The following ABHD2 variants were observed in gnomAD, a reference collection of about 807,000 sequenced individuals.
The protein encoded by ABHD2 is monoacylglycerol lipase ABHD2.
ABHD2 carries 20 observed loss-of-function variants against 48.1 expected under a neutral mutation model. The observed-to-expected ratio is 0.42, with a 90% CI of 0.29 to 0.60. The LOEUF (loss-of-function observed/expected upper bound fraction) is 0.60, where lower values mean the gene tolerates loss of function less well. Ranked by LOEUF, ABHD2 falls within the 20% of genes least tolerant of loss-of-function variation. ABHD2 has a pLI of 0.24. For synonymous variants in ABHD2, 209 were observed against 214.2 expected, an observed-to-expected ratio of 0.98 and a Z score of 0.21; for missense variants, 405 against 550.9, an observed-to-expected ratio of 0.74 and a Z score of 2.65.
the ABHD2 span, among the ~76,000 whole-genome samples, chr15:89,080,154 T>G: frequency 1.3e-5 from 2 of 152,158 alleles, no homozygotes; most frequent in Non-Finnish European, 2.9e-5. Flanking sequence ...ACTCTGCTCA[T>G]AAAGCCGGAT....
intron 10 of ABHD2, among the ~76,000 whole-genome samples, chr15:89,193,713 G>T (rs1227285260): frequency 6.6e-6 from 1 of 152,210 alleles, no homozygotes. Flanking sequence ...ACTTTGTGAG[G>T]CTGCAATGGG....
Position 89,100,214 on chromosome 15 carries a change from T to G in ABHD2, c.-107+11651T>G, listed in dbSNP as rs2049679946. Among the ~76,000 whole-genome samples the G allele has an allele frequency of 6.6e-6, 1 of 152,114 alleles. No homozygotes were observed. Among genetic ancestry groups the G allele is most frequent in the Non-Finnish European group, 1.5e-5 (1 of 68,020 alleles). On this transcript the variant is annotated intron_variant, in intron 1 of 10. Transcript: ENST00000352732. The surrounding 1 kb of genome is among the most constrained non-coding windows in gnomAD (Gnocchi z 4.4). ...GGCTCTGGACTGGGATCTTCCAGCC[T>G]TGGTGAATGAAGTCTCTCCTTTGTC...
chr15:89,123,152 A>G (rs2050078320), intron 3 of ABHD2, among the ~76,000 whole-genome samples: 1 of 152,202 alleles, frequency 6.6e-6, no homozygotes, highest in South Asian at 2.1e-4. Flanking sequence ...CACCAAGCCA[A>G]AAATTACAGT....
In ABHD2 at chr15:89,185,706, C is replaced by T. The variant is rs887775061; in HGVS notation, c.815+190C>T. ...TGTCTTGGCCAGGCGCGGTGGCTCACGCCTGTAACCCCAGCACTTTGGGAA... is the reference window on the plus strand; with the variant it reads ...TGTCTTGGCCAGGCGCGGTGGCTCATGCCTGTAACCCCAGCACTTTGGGAA... On this transcript the variant is annotated intron_variant, in intron 7 of 10. Coordinates refer to ENST00000352732, the MANE Select transcript of ABHD2 (RefSeq NM_152924.5). This position sits in a 1 kb window ranked among gnomAD's most constrained non-coding sequence, Gnocchi z 5.9. Among the ~76,000 whole-genome samples, 1 of 152,196 alleles carries T rather than the reference C, an allele frequency of 6.6e-6. No individual in the cohort carries two copies. The highest frequency in any genetic ancestry group is 2.1e-4 in the South Asian group (1 of 4,830).
the ABHD2 span, among the ~76,000 whole-genome samples, chr15:89,067,698 C>A: frequency 6.6e-6 from 1 of 152,196 alleles, no homozygotes; most frequent in Admixed American, 6.5e-5. Flanking sequence ...CTCGAACACC[C>A]CAGATGTCTT....
chr15:89,116,913 A>G lies in ABHD2; in HGVS notation c.194+392A>G, dbSNP rs1236350233. ...TTAATAAGCAAAAAAGCACAGATCC[A>G]TTAGTTGAGTACTCTCCATCTGCCT... On this transcript the variant is annotated intron_variant, in intron 3 of 10. Transcript: ENST00000352732. The surrounding 1 kb of genome is among the most constrained non-coding windows in gnomAD (Gnocchi z 4.6). 1.3e-5 allele frequency among the ~76,000 whole-genome samples: 2 copies of G among 152,240 alleles called. No individual in the cohort carries two copies. Among genetic ancestry groups the G allele is most frequent in the Non-Finnish European group, 2.9e-5 (2 of 68,042 alleles).
chr15:89,153,611 A>G (rs1222970554), intron 4 of ABHD2, among the ~76,000 whole-genome samples: 1 of 152,196 alleles, frequency 6.6e-6, no homozygotes, highest in East Asian at 1.9e-4. Context: ...TGACTGACAA[A>G]GGTGCTTCTA....
intron 3 of ABHD2, chr15:89,136,472 C>T (rs2050314236): frequency 6.7e-6 from 3 of 449,452 alleles, no homozygotes; most frequent in African/African-American, 2.0e-5. Context: ...TCTCTCTTGG[C>T]TTCTTAGGGT....
At chr15:89,148,474 C>T (rs2050534699) in intron 3 of ABHD2, among the ~76,000 whole-genome samples, 1 of 152,338 alleles carries the variant, frequency 6.6e-6, no homozygotes, top group African/African-American at 2.4e-5. Flanking sequence ...GTGAGGAAGA[C>T]AGGTACTTTC....
chr15:89,185,639 ACT>A lies in ABHD2; in HGVS notation c.815+128_815+129del, dbSNP rs975081030. On this transcript the variant is annotated intron_variant, in intron 7 of 10. Coordinates refer to ENST00000352732, the MANE Select transcript of ABHD2 (RefSeq NM_152924.5). This position sits in a 1 kb window ranked among gnomAD's most constrained non-coding sequence, Gnocchi z 5.9. ...AAAAAAAAATGCAGGTGTGGTACAG[ACT>A]CTCTGCTGCCTGCATTTGTGACTTG... 1.1e-5 allele frequency: 9 copies of A among 839,980 alleles called. No individual in the cohort carries two copies. The highest frequency in any genetic ancestry group is 1.0e-4 in the Admixed American group (4 of 38,828). 52.0% of individuals were successfully genotyped at this position (839,980 alleles called of 1,614,324 possible).
chr15:89,158,001 C>T, intron 5 of ABHD2, among the ~76,000 whole-genome samples: 1 of 151,842 alleles, frequency 6.6e-6, no homozygotes, highest in Non-Finnish European at 1.5e-5. Context: ...ATGGTAATGT[C>T]CTGTGCTTGG....
intron 3 of ABHD2, among the ~76,000 whole-genome samples, chr15:89,148,422 G>A (rs1305869009): frequency 6.6e-6 from 1 of 152,104 alleles, no homozygotes; most frequent in Non-Finnish European, 1.5e-5. Flanking sequence ...CCATCAAAGT[G>A]GCCAGAATGT....
Position 89,151,633 on chromosome 15 carries a change from T to C in ABHD2, c.195-44T>C. ...GCTAAAAGATTTTTCAGAACGTTGC[T>C]CAAGGAATGTAGAGAAAATTGACCT... is the stretch of plus-strand genomic sequence containing the variant. On this transcript the variant is annotated intron_variant, in intron 3 of 10. Coordinates refer to ENST00000352732, the MANE Select transcript of ABHD2 (RefSeq NM_152924.5). The surrounding 1 kb of genome is among the most constrained non-coding windows in gnomAD (Gnocchi z 4.7). The C allele has an allele frequency of 6.4e-7, 1 of 1,564,430 alleles. No homozygotes were observed. The highest frequency in any genetic ancestry group is 1.2e-5 in the South Asian group (1 of 85,016).
chr15:89,077,248 A>G, the ABHD2 span, among the ~76,000 whole-genome samples: 3 of 152,172 alleles, frequency 2.0e-5, no homozygotes, highest in Admixed American at 6.5e-5. Context: ...AAATCATAGC[A>G]TACATTTCTT....
In ABHD2 at chr15:89,189,611, G is replaced by T. The variant is rs574699800; in HGVS notation, c.926+1308G>T. Among the ~76,000 whole-genome samples, 6 of 152,312 alleles carry T rather than the reference G, an allele frequency of 3.9e-5. No individual in the cohort carries two copies. The highest frequency in any genetic ancestry group is 2.6e-4 in the Admixed American group (4 of 15,304). On this transcript the variant is annotated intron_variant, in intron 8 of 10. Coordinates refer to ENST00000352732, the MANE Select transcript of ABHD2 (RefSeq NM_152924.5). This position sits in a 1 kb window ranked among gnomAD's most constrained non-coding sequence, Gnocchi z 4.9. ...CCTAAGGGTATAGGATCTCTGCTTT[G>T]CTTCCTTATGAGATTTTAGTAGCCT...
chr15:89,059,001 G>C, the ABHD2 span, among the ~76,000 whole-genome samples: 1 of 152,178 alleles, frequency 6.6e-6, no homozygotes, highest in Non-Finnish European at 1.5e-5. Context: ...AAAGATAAGG[G>C]CTCTTTGCCT....
In ABHD2 at chr15:89,182,618, G is replaced by A. The variant is rs745814991; in HGVS notation, c.723-2806G>A. ...ACCCTGGCCAACATGACGAAACCCC[G>A]TATTCTACTAAAAAAATACAAAAAA... is the stretch of plus-strand genomic sequence containing the variant. On this transcript the variant is annotated intron_variant, in intron 6 of 10. Transcript: ENST00000352732. The surrounding 1 kb of genome is among the most constrained non-coding windows in gnomAD (Gnocchi z 4.8). Among the ~76,000 whole-genome samples, 4 of 151,946 alleles carry A rather than the reference G, an allele frequency of 2.6e-5. No homozygotes were observed. Among genetic ancestry groups the A allele is most frequent in the East Asian group, 1.9e-4 (1 of 5,178 alleles).
the ABHD2 span, among the ~76,000 whole-genome samples, chr15:89,052,212 C>G: frequency 6.6e-6 from 1 of 152,108 alleles, no homozygotes. Context: ...TGGGGCTGGA[C>G]CTGCCCTAGG....
At chr15:89,058,272 G>T in the ABHD2 span, among the ~76,000 whole-genome samples, 1 of 152,016 alleles carries the variant, frequency 6.6e-6, no homozygotes, top group Admixed American at 6.6e-5. Context: ...CATACGTGTG[G>T]ATACTCCAGC....
Sources: gnomAD v4.1 joint callset for allele counts (sites outside exome capture counted in the v4.1 genomes callset) on GRCh38, gnomAD v4.1.1 for gene constraint, Gnocchi (gnomAD v3.1) non-coding constraint, MANE v1.5 for transcripts, NCBI Gene and HGNC (gene_info 2026-07-23, HGNC 2026-07-21) for gene names.